Variants in LAMC3 observed in about 807,000 individuals in gnomAD.
LAMC3 encodes the protein laminin subunit gamma-3.
In LAMC3, 128 loss-of-function variants were observed where a neutral mutation model predicts 173.8. That is an observed-to-expected ratio of 0.74 (90% CI 0.64 to 0.85). The LOEUF (loss-of-function observed/expected upper bound fraction) is 0.85. Among genes scored for constraint, LAMC3 ranks in the 40% least tolerant of loss-of-function variants. LAMC3 has a pLI of 0.00. For synonymous variants in LAMC3, 897 were observed against 909.1 expected, an observed-to-expected ratio of 0.99 and a Z score of 0.24; for missense variants, 2,022 against 2,156.0, an observed-to-expected ratio of 0.94 and a Z score of 1.23.
At chr9:131,059,071 C>T (rs1172156473) in intron 12 of LAMC3, among the ~76,000 whole-genome samples, 4 of 152,028 alleles carry the variant, frequency 2.6e-5, no homozygotes, top group Admixed American at 2.0e-4. Context: ...GGTTAGGTGC[C>T]TGTAATCCCA....
chr9:131,012,334 C>T (rs554514638), intron 1 of LAMC3, among the ~76,000 whole-genome samples: 190 of 152,212 alleles, frequency 1.2e-3, no homozygotes, highest in Non-Finnish European at 1.9e-3. Context: ...CCTCTCTCAG[C>T]CTCAGTTTCC....
At chr9:131,032,264 G>T in intron 3 of LAMC3, 89 bp downstream of exon 3, 1 of 553,086 alleles carries the variant, frequency 1.8e-6, no homozygotes, top group South Asian at 1.4e-5. Context: ...GGGGTGGGGG[G>T]GCACAGAAGC....
chr9:131,023,792 T>C (rs920523393), intron 1 of LAMC3, among the ~76,000 whole-genome samples: 1 of 152,120 alleles, frequency 6.6e-6, no homozygotes, highest in African/African-American at 2.4e-5. Context: ...TTTGTAGAGA[T>C]GAGGTTTCGT....
rs56948132 is a variant in LAMC3, at chr9:131,022,215, A to AACACACACACACACACACACAC, written c.374-4062_374-4041dup. ...TCATAAGCCAGGAGCTGTGGATGAA[A>AACACACACACACACACACACAC]ACACACACACACACACACACACACA... is the stretch of plus-strand genomic sequence containing the variant. On this transcript the variant is annotated intron_variant, in intron 1 of 27. Transcript: ENST00000361069. 9.3e-3 allele frequency among the ~76,000 whole-genome samples: 1,347 copies of AACACACACACACACACACACAC among 144,704 alleles called. 16 individuals are homozygous for AACACACACACACACACACACAC. Among genetic ancestry groups the AACACACACACACACACACACAC allele is most frequent in the Middle Eastern group, 0.018 (5 of 284 alleles). 94.9% of individuals were successfully genotyped at this position (144,704 alleles called of 152,430 possible).
Position 131,009,675 on chromosome 9 carries a change from C to T in LAMC3, c.373+88C>T. ...GCTGAGGCCTGAGCTGCTGTGCGCC[C>T]AGGTTGGGCTGCAGGACCCAGATAT... On this transcript the variant is annotated intron_variant, in intron 1 of 27. Coordinates refer to ENST00000361069, the MANE Select transcript of LAMC3 (RefSeq NM_006059.4). This position sits in a 1 kb window ranked among gnomAD's most constrained non-coding sequence, Gnocchi z 4.3. 1 of 1,487,820 alleles carries T rather than the reference C, an allele frequency of 6.7e-7. No homozygotes were observed. Among genetic ancestry groups the T allele is most frequent in the Non-Finnish European group, 9.0e-7 (1 of 1,104,996 alleles). 92.2% of individuals were successfully genotyped at this position (1,487,820 alleles called of 1,614,324 possible).
chr9:131,027,441 G>T (rs930395689), intron 2 of LAMC3, among the ~76,000 whole-genome samples: 10 of 152,138 alleles, frequency 6.6e-5, no homozygotes, highest in African/African-American at 2.4e-4. Flanking sequence ...ATGGGCTTTG[G>T]AGTCATAGAG....
At chr9:131,091,416 T>C in intron 27 of LAMC3, 121 bp from the exon 28 acceptor site, 2 of 1,333,404 alleles carry the variant, frequency 1.5e-6, no homozygotes, top group Non-Finnish European at 2.1e-6. Context: ...CTTTCCCTGG[T>C]GGATGGTGGG....
In LAMC3 at chr9:131,092,069, G is replaced by C. The variant is rs890344940; in HGVS notation, c.*282G>C. Reference sequence around the variant, plus strand: ...CAGTGTCAATAACATACACACGTGAGGGTGCATGTCTGTGTGTATGACCCA... The same window carrying C: ...CAGTGTCAATAACATACACACGTGACGGTGCATGTCTGTGTGTATGACCCA... On this transcript the variant is annotated 3_prime_UTR_variant, in exon 28 of 28. Coordinates refer to ENST00000361069, the MANE Select transcript of LAMC3 (RefSeq NM_006059.4). 43 of 514,544 alleles carry C rather than the reference G, an allele frequency of 8.4e-5. No individual in the cohort carries two copies. The highest frequency in any genetic ancestry group is 5.3e-4 in the Middle Eastern group (1 of 1,882). 31.9% of individuals were successfully genotyped at this position (514,544 alleles called of 1,614,324 possible).
rs1220399673 is a variant in LAMC3, at chr9:131,091,563, G to A, written c.4504G>A (p.Ala1502Thr). The A allele has an allele frequency of 1.9e-6, 3 of 1,587,286 alleles. No homozygotes were observed. The highest frequency in any genetic ancestry group is 2.6e-6 in the Non-Finnish European group (3 of 1,167,272). ...GTCGCTGGACACCCATCAAGCCCCA[G>A]CCCAGGCCCTGAACGAGACTCAGTG... ...LGSLDTHQAP[A>T]QALNETQWAL... The change falls in exon 28 of 28, where the codon GCC becomes ACC. Residue 1502 changes from alanine to threonine, a missense_variant. Physicochemically the swap from Ala to Thr is moderately conservative, Grantham distance 58 (BLOSUM62 0). Transcript: ENST00000361069.
At chr9:131,069,627 C>T (rs1336082781) in intron 16 of LAMC3, 45 bp from the exon 17 acceptor site, 4 of 1,570,754 alleles carry the variant, frequency 2.5e-6, no homozygotes, top group South Asian at 1.2e-5. Context: ...ACGCACTGCC[C>T]CTGGCCCCTC....
At chr9:131,074,244 G>A (rs559600163) in intron 20 of LAMC3, among the ~76,000 whole-genome samples, 14 of 150,976 alleles carry the variant, frequency 9.3e-5, no homozygotes, top group South Asian at 2.1e-4. Context: ...CACCGCGCCC[G>A]GCCAGCACAG....
At chr9:131,031,915 G>T in intron 2 of LAMC3, 130 bp from the exon 3 acceptor site, 1 of 1,519,894 alleles carries the variant, frequency 6.6e-7, no homozygotes. Flanking sequence ...CTCAGAATTG[G>T]CCTGAGCTCG....
intron 7 of LAMC3, among the ~76,000 whole-genome samples, chr9:131,045,031 T>G (rs75678488): frequency 0.02 from 3,118 of 152,116 alleles, 118 homozygotes; most frequent in African/African-American, 0.072. Context: ...GAGGTCAACC[T>G]GCCAACATGG....
chr9:131,017,134 G>T (rs934725721), intron 1 of LAMC3, among the ~76,000 whole-genome samples: 1 of 152,166 alleles, frequency 6.6e-6, no homozygotes, highest in African/African-American at 2.4e-5. Context: ...CGAGGTGGGG[G>T]GCTGGCCCAG....
Position 131,032,136 on chromosome 9 carries a change from CCTA to C in LAMC3, c.774_776del (p.Tyr260del). ...TTCAAGGACCCCAAGGTGCTCCAGTCCTACTATTATGCCGTGTCCGACTTCTCT... is the reference window on the plus strand; with the variant it reads ...TTCAAGGACCCCAAGGTGCTCCAGTCCTATTATGCCGTGTCCGACTTCTCT... On this transcript the variant is annotated inframe_deletion, in exon 3 of 28. Transcript: ENST00000361069. The C allele has an allele frequency of 6.2e-7, 1 of 1,614,034 alleles. No individual in the cohort carries two copies. Among genetic ancestry groups the C allele is most frequent in the African/African-American group, 1.3e-5 (1 of 74,986 alleles).
intron 3 of LAMC3, among the ~76,000 whole-genome samples, chr9:131,033,574 A>C (rs3780279): frequency 0.83 from 126,573 of 151,998 alleles, 53,077 homozygotes; most frequent in African/African-American, 0.93. Flanking sequence ...CCTCACCCAG[A>C]AGTCAAGAGG....
Position 131,072,686 on chromosome 9 carries a change from G to T in LAMC3, c.3268G>T (p.Ala1090Ser), listed in dbSNP as rs374180120. The T allele has an allele frequency of 2.9e-5, 47 of 1,611,630 alleles. No homozygotes were observed. Among genetic ancestry groups the T allele is most frequent in the African/African-American group, 1.6e-4 (12 of 74,866 alleles). The part of the protein sequence containing the change: ...MMSLEGAVKA[A>S]REQLQRLNKG... ...GAGCCTCGAGGGTGCTGTCAAGGCC[G>T]CCCGGGAGCAGCTGCAGAGGCTGAA... Residue 1090 changes from alanine (A) to serine (S), a missense_variant, in exon 19 of 28, where the codon GCC (alanine) becomes TCC (serine). Coordinates refer to ENST00000361069, the MANE Select transcript of LAMC3 (RefSeq NM_006059.4).
At chr9:131,081,186 G>T (rs550940961) in intron 23 of LAMC3, among the ~76,000 whole-genome samples, 22 of 152,306 alleles carry the variant, frequency 1.4e-4, no homozygotes, top group Admixed American at 1.2e-3. Flanking sequence ...CCTCCTGATG[G>T]CATCACCTTT....
At chr9:131,032,234 A>G in intron 3 of LAMC3, 59 bp downstream of exon 3, 1 of 377,324 alleles carries the variant, frequency 2.7e-6, no homozygotes, top group Non-Finnish European at 5.2e-6. Flanking sequence ...CGAGAGCGGA[A>G]GGTGGCTGCT....
Sources: allele counts gnomAD v4.1 joint callset (sites outside exome capture counted in the v4.1 genomes callset), GRCh38; gene constraint gnomAD v4.1.1; non-coding constraint Gnocchi (gnomAD v3.1); transcripts MANE v1.5; gene names NCBI Gene and HGNC (gene_info 2026-07-23, HGNC 2026-07-21).